The following NR6A1 variants were observed in gnomAD, a reference collection of about 807,000 sequenced individuals.
NR6A1 encodes the protein nuclear receptor subfamily 6 group A member 1.
NR6A1 carries 7 observed loss-of-function variants against 59.1 expected under a neutral mutation model. The observed-to-expected ratio is 0.12, with a 90% CI of 0.07 to 0.22. The LOEUF (loss-of-function observed/expected upper bound fraction) is 0.22, where lower values mean the gene tolerates loss of function less well. Among genes scored for constraint, NR6A1 ranks in the 10% least tolerant of loss-of-function variants. The pLI is 1.00. For missense variants in NR6A1, 468 were observed against 611.6 expected (o/e 0.77, Z 2.48); for synonymous variants, 243 against 236.1 (o/e 1.03, Z -0.27).
At chr9:124,714,643 AATTT>A (rs1839364717) in intron 2 of NR6A1, among the ~76,000 whole-genome samples, 1 of 152,188 alleles carries the variant, frequency 6.6e-6, no homozygotes. Flanking sequence ...AGTCCCAAGA[AATTT>A]ATTTTTTAAA....
chr9:124,729,493 AG>A (rs1184255139), intron 2 of NR6A1, among the ~76,000 whole-genome samples: 4 of 152,226 alleles, frequency 2.6e-5, no homozygotes, highest in African/African-American at 9.6e-5. Flanking sequence ...CTGAGGTGGA[AG>A]GATCACCTGA....
intron 2 of NR6A1, among the ~76,000 whole-genome samples, chr9:124,596,710 C>T (rs1042447596): frequency 7.2e-5 from 11 of 152,194 alleles, no homozygotes; most frequent in Non-Finnish European, 1.3e-4. Context: ...ACCAGCAGCA[C>T]GCAGCAGAGT....
intron 2 of NR6A1, chr9:124,693,819 T>C (rs771478004): frequency 5.6e-6 from 3 of 532,460 alleles, no homozygotes; most frequent in South Asian, 1.4e-5. Flanking sequence ...AGCAAAAGCA[T>C]GTGCAGAGAG....
intron 2 of NR6A1, among the ~76,000 whole-genome samples, chr9:124,611,762 A>G (rs998228637): frequency 9.2e-6 from 1 of 108,520 alleles, no homozygotes; most frequent in Non-Finnish European, 1.8e-5. Context: ...AGAGAGAGAG[A>G]GAGAGAGAGA....
chr9:124,701,605 T>C (rs914904164), intron 2 of NR6A1, among the ~76,000 whole-genome samples: 1 of 152,264 alleles, frequency 6.6e-6, no homozygotes, highest in Non-Finnish European at 1.5e-5. Flanking sequence ...GAATTTTGCC[T>C]ATTCTAGGAA....
chr9:124,764,672 T>C (rs1840882816), intron 1 of NR6A1, among the ~76,000 whole-genome samples: 1 of 152,262 alleles, frequency 6.6e-6, no homozygotes, highest in Admixed American at 6.5e-5. Flanking sequence ...ATCTGTTAGA[T>C]ACATTCTCTG....
intron 2 of NR6A1, among the ~76,000 whole-genome samples, chr9:124,653,403 G>A (rs1044791031): frequency 2.0e-5 from 3 of 151,486 alleles, no homozygotes; most frequent in Non-Finnish European, 4.4e-5. Flanking sequence ...TTCTGTATTT[G>A]TCAGAGGTTT....
chr9:124,742,239 C>A (rs565450359), intron 1 of NR6A1, among the ~76,000 whole-genome samples: 1 of 152,082 alleles, frequency 6.6e-6, no homozygotes, highest in Non-Finnish European at 1.5e-5. Context: ...AAAATTTCAA[C>A]CAGAAAACCA....
At chr9:124,728,049 CAT>C (rs1839776571) in intron 2 of NR6A1, among the ~76,000 whole-genome samples, 2 of 150,404 alleles carry the variant, frequency 1.3e-5, no homozygotes, top group African/African-American at 4.9e-5. Flanking sequence ...TTTCTTGAGA[CAT>C]AGTCTCACTC....
chr9:124,700,498 G>A (rs946523040), intron 2 of NR6A1, among the ~76,000 whole-genome samples: 6 of 152,100 alleles, frequency 3.9e-5, no homozygotes, highest in African/African-American at 1.4e-4. Context: ...TGGGATTACA[G>A]ACATGAGCCA....
intron 2 of NR6A1, among the ~76,000 whole-genome samples, chr9:124,567,960 G>A (rs1834319117): frequency 6.7e-6 from 1 of 150,076 alleles, no homozygotes; most frequent in African/African-American, 2.4e-5. Context: ...TGGATCACGA[G>A]GTCAAGAGAT....
At chr9:124,605,188 A>G (rs1835544814) in intron 2 of NR6A1, among the ~76,000 whole-genome samples, 1 of 152,232 alleles carries the variant, frequency 6.6e-6, no homozygotes, top group Non-Finnish European at 1.5e-5. Context: ...AGTTCAGAAT[A>G]ACACATTCAT....
chr9:124,589,350 G>A (rs575941014), intron 2 of NR6A1, among the ~76,000 whole-genome samples: 12 of 152,226 alleles, frequency 7.9e-5, no homozygotes, highest in Non-Finnish European at 1.5e-4. Context: ...GGAGGCTGAG[G>A]CAGGAGAGTG....
intron 2 of NR6A1, among the ~76,000 whole-genome samples, chr9:124,606,081 C>T (rs1459013629): frequency 6.6e-6 from 1 of 152,182 alleles, no homozygotes; most frequent in Non-Finnish European, 1.5e-5. Flanking sequence ...ACCTTCCCAA[C>T]CTCATAAGAG....
At chr9:124,638,704 T>C (rs1422430256) in intron 2 of NR6A1, among the ~76,000 whole-genome samples, 2 of 152,266 alleles carry the variant, frequency 1.3e-5, no homozygotes, top group African/African-American at 4.8e-5. Flanking sequence ...ACAATAGTTA[T>C]GAAAGTTAAA....
chr9:124,741,694 C>T (rs932774762), intron 1 of NR6A1, among the ~76,000 whole-genome samples: 7 of 152,136 alleles, frequency 4.6e-5, no homozygotes, highest in Non-Finnish European at 1.5e-5. Flanking sequence ...CACTATGGGA[C>T]AGATGGACAT....
intron 2 of NR6A1, among the ~76,000 whole-genome samples, chr9:124,579,653 C>T (rs1834704365): frequency 6.6e-6 from 1 of 152,026 alleles, no homozygotes; most frequent in Non-Finnish European, 1.5e-5. Flanking sequence ...AACTCTCATA[C>T]ATGTAGCAAG....
chr9:124,676,183 G>A (rs970482780), intron 2 of NR6A1, among the ~76,000 whole-genome samples: 6 of 152,040 alleles, frequency 3.9e-5, no homozygotes, highest in Non-Finnish European at 8.8e-5. Flanking sequence ...CTAGGAAAAC[G>A]GCAAATTTAT....
rs1389870241 is a variant in NR6A1 at position 124,609,900 on chromosome 9, G to C, written c.143-55330C>G. On this transcript the variant is annotated intron_variant, in intron 2 of 9. Coordinates refer to ENST00000487099, the MANE Select transcript of NR6A1 (RefSeq NM_033334.4). ...TGAATGGGAACTCATTCATGACTTG[G>C]CTCTCTGGTTATCTGTTGTTGGTGT... Among the ~76,000 whole-genome samples the C allele has an allele frequency of 2.6e-5, 4 of 152,058 alleles. No homozygotes were observed. In the South Asian group the frequency reaches 8.3e-4, roughly 32 times the overall value.
Sources: allele counts gnomAD v4.1 joint callset (sites outside exome capture counted in the v4.1 genomes callset), GRCh38; gene constraint gnomAD v4.1.1; transcripts MANE v1.5; gene names NCBI Gene and HGNC (gene_info 2026-07-23, HGNC 2026-07-21).